Variants in HERPUD1 observed in about 807,000 individuals in gnomAD.
The protein encoded by HERPUD1 is homocysteine inducible ER protein with ubiquitin like domain 1.
A neutral mutation model predicts 45.0 loss-of-function variants in HERPUD1; 17 were observed. That is an observed-to-expected ratio of 0.38 (90% confidence interval 0.26 to 0.57). HERPUD1 has a LOEUF of 0.57. Among genes scored for constraint, HERPUD1 ranks in the 20% least tolerant of loss-of-function variants. HERPUD1 has a pLI of 0.72. For missense variants in HERPUD1, 420 were observed against 490.5 expected (o/e 0.86, Z 1.36); for synonymous variants, 164 against 177.5 (o/e 0.92, Z 0.61).
At chr16:56,939,805 C>T (rs2055894824) in intron 5 of HERPUD1, 90 bp from the exon 6 acceptor site, 18 of 979,830 alleles carry the variant, frequency 1.8e-5, no homozygotes, top group Non-Finnish European at 2.6e-5. Context: ...ACTTGAAATT[C>T]TTAACAGTAA....
At position 56,942,219 on chromosome 16, in the gene HERPUD1, C is replaced by T. The variant is rs1283556816; in HGVS notation, c.993C>T (p.Asp331=). The change falls in exon 7 of 8, where the codon GAC becomes GAT. Residue 331 remains aspartate, a synonymous_variant. Transcript: ENST00000439977. The part of the protein sequence containing the change: ...DGPPPDVVNQ[D]PNNNLQEGTD... ...CTCCTCCTGACGTTGTAAATCAGGA[C>T]CCCAACAATAACTTACAGGTATGGA... 1 of 1,613,222 alleles carries T rather than the reference C, an allele frequency of 6.2e-7. No individual in the cohort carries two copies. The highest frequency in any genetic ancestry group is 8.5e-7 in the Non-Finnish European group (1 of 1,179,180).
At chr16:56,934,987 C>T (rs548056316) in intron 1 of HERPUD1, 5 of 424,874 alleles carry the variant, frequency 1.2e-5, no homozygotes, top group African/African-American at 2.0e-5. Flanking sequence ...GCTTGGATTA[C>T]AGGCATGAGC....
chr16:56,937,098 C>T (rs145222015), intron 4 of HERPUD1: 10 of 209,232 alleles, frequency 4.8e-5, no homozygotes, highest in African/African-American at 2.1e-4. Context: ...GCTTGGTTGC[C>T]GTCATGATAG....
intron 6 of HERPUD1, chr16:56,941,613 G>T (rs2055910371): frequency 1.3e-5 from 2 of 152,122 alleles, no homozygotes; most frequent in Non-Finnish European, 2.9e-5. Context: ...AAATAAAAAA[G>T]GAATAATTAG....
In HERPUD1 at chr16:56,935,222, T is replaced by A. The variant is rs772119462; in HGVS notation, c.148-13T>A. On this transcript the variant is annotated splice_polypyrimidine_tract_variant and intron_variant, in intron 1 of 7. Transcript: ENST00000439977. Reference sequence around the variant, plus strand: ...AAATGCTGACCTGTGTTACTCTTTCTTTCCATGATCAGCGTCCAGAGGACC... The same window carrying A: ...AAATGCTGACCTGTGTTACTCTTTCATTCCATGATCAGCGTCCAGAGGACC... 6 of 1,605,332 alleles carry A rather than the reference T, an allele frequency of 3.7e-6. No individual in the cohort carries two copies. In the South Asian group the frequency reaches 6.6e-5, roughly 18 times the overall value.
chr16:56,935,970 T>C (rs1322932565), intron 3 of HERPUD1: 1 of 156,470 alleles, frequency 6.4e-6, no homozygotes, highest in Non-Finnish European at 1.4e-5. Flanking sequence ...CCCAGGCTTT[T>C]CTCAAACTCC....
Position 56,944,328 on chromosome 16 carries a change from T to A in HERPUD1, c.*1038T>A, listed in dbSNP as rs1279858362. 1.3e-5 allele frequency: 2 copies of A among 152,254 alleles called. No homozygotes were observed. Among genetic ancestry groups the A allele is most frequent in the Non-Finnish European group, 2.9e-5 (2 of 68,038 alleles). 9.4% of individuals were successfully genotyped at this position (152,254 alleles called of 1,614,324 possible). A position where few individuals can be genotyped will look rare whatever the true frequency, so the allele number is the denominator to read the frequency against. On this transcript the variant is annotated 3_prime_UTR_variant, in exon 8 of 8. Coordinates refer to ENST00000439977, the MANE Select transcript of HERPUD1 (RefSeq NM_014685.4). The stretch of plus-strand genomic sequence containing the variant: ...TCCCCAAATTTAAATTTAGTAAATT[T>A]AGTGGTTTCACCTTGGCAAATCTGC...
chr16:56,935,621 CTG>C (rs1429895588), intron 3 of HERPUD1, 146 bp downstream of exon 3: 3 of 681,410 alleles, frequency 4.4e-6, no homozygotes, highest in African/African-American at 3.6e-5. Flanking sequence ...GAATTAGAAA[CTG>C]TATTATCAAC....
intron 5 of HERPUD1, 84 bp from the exon 6 acceptor site, chr16:56,939,811 A>G: frequency 9.8e-7 from 1 of 1,024,150 alleles, no homozygotes; most frequent in Non-Finnish European, 1.5e-6. Flanking sequence ...AATTCTTAAC[A>G]GTAAAAGACT....
rs990272614 is a variant in HERPUD1 at position 56,937,740 on chromosome 16, C to G, written c.431+923C>G. Among the ~76,000 whole-genome samples the G allele has an allele frequency of 6.0e-5, 9 of 149,940 alleles. No individual in the cohort carries two copies. The Admixed American group carries it at 6.1e-4, about 10-fold the overall frequency. ...TCTTGTATATCTAGAATGCCATTAT[C>G]AGATCTAACAGAAATCTTAAAAGCA... is the stretch of plus-strand genomic sequence containing the variant. On this transcript the variant is annotated intron_variant, in intron 4 of 7. Coordinates refer to ENST00000439977, the MANE Select transcript of HERPUD1 (RefSeq NM_014685.4).
Position 56,939,317 on chromosome 16 carries a change from C to T in HERPUD1, c.512C>T (p.Ser171Phe), listed in dbSNP as rs1352948114. The change falls in exon 5 of 8, where the codon TCC becomes TTC. Residue 171 changes from serine to phenylalanine, a missense_variant. Coordinates refer to ENST00000439977, the MANE Select transcript of HERPUD1 (RefSeq NM_014685.4). ...ACACCCTATGGGTGGCTTCAGCTTT[C>T]CTGGTTCCAGCAGATATATGCACGA... is the stretch of plus-strand genomic sequence containing the variant. The part of the protein sequence containing the change: ...GYTPYGWLQL[S>F]WFQQIYARQY... 1 of 1,614,248 alleles carries T rather than the reference C, an allele frequency of 6.2e-7. No homozygotes were observed. Among genetic ancestry groups the T allele is most frequent in the Non-Finnish European group, 8.5e-7 (1 of 1,180,050 alleles).
chr16:56,934,232 A>G (rs2055847738), intron 1 of HERPUD1, among the ~76,000 whole-genome samples: 1 of 152,214 alleles, frequency 6.6e-6, no homozygotes, highest in Admixed American at 6.5e-5. Flanking sequence ...TTTAAGTACA[A>G]TTTAGACGGA....
chr16:56,936,708 C>A lies in HERPUD1; in HGVS notation c.322C>A (p.Pro108Thr), dbSNP rs781465309. 4.3e-6 allele frequency: 7 copies of A among 1,613,066 alleles called. No individual in the cohort carries two copies. Among genetic ancestry groups the A allele is most frequent in the Non-Finnish European group, 5.9e-6 (7 of 1,179,494 alleles). ...NAKVAESTEE[P>T]AGSNRGQYPE... Reference sequence around the variant, plus strand: ...TTAGGTGGCTGAATCCACAGAGGAGCCTGCTGGTTCTAATCGGGGACAGTA... The same window carrying A: ...TTAGGTGGCTGAATCCACAGAGGAGACTGCTGGTTCTAATCGGGGACAGTA... The change falls in exon 4 of 8, where the codon CCT becomes ACT. Residue 108 changes from proline to threonine, a missense_variant. Pro to Thr is a conservative substitution (Grantham distance 38). Transcript: ENST00000439977.
At chr16:56,941,338 C>T (rs1255421500) in intron 6 of HERPUD1, 4 of 152,212 alleles carry the variant, frequency 2.6e-5, no homozygotes, top group African/African-American at 9.7e-5. Flanking sequence ...TACCCTCTCT[C>T]CCCAGGGGAC....
intron 1 of HERPUD1, 102 bp downstream of exon 1, chr16:56,932,493 G>A: frequency 1.8e-6 from 2 of 1,115,430 alleles, no homozygotes; most frequent in African/African-American, 1.6e-5. Context: ...TCCCGCTGAC[G>A]GCTGCGATCG....
At chr16:56,938,504 A>G (rs1414384901) in intron 4 of HERPUD1, among the ~76,000 whole-genome samples, 1 of 151,094 alleles carries the variant, frequency 6.6e-6, no homozygotes, top group African/African-American at 2.4e-5. Flanking sequence ...TGGAGCTTGC[A>G]GTGAGCCGAG....
Position 56,935,246 on chromosome 16 carries a change from C to G in HERPUD1, c.159C>G (p.Asp53Glu), listed in dbSNP as rs2144816935. 1 of 1,613,220 alleles carries G rather than the reference C, an allele frequency of 6.2e-7. No homozygotes were observed. Among genetic ancestry groups the G allele is most frequent in the East Asian group, 2.2e-5 (1 of 44,880 alleles). Residue 53 changes from aspartate (D) to glutamate (E), a missense_variant, in exon 2 of 8, where the codon GAC becomes GAG. By Grantham distance (45) the Asp-to-Glu change is conservative. Transcript: ENST00000439977. ...CTTTCCATGATCAGCGTCCAGAGGA[C>G]CAGAGGTTAATTTATTCTGGGAAGC... ...RVYPERPRPE[D>E]QRLIYSGKLL...
At position 56,932,222 on chromosome 16, in the gene HERPUD1, G is replaced by A. The variant is rs752026589; in HGVS notation, c.-23G>A. 3 of 1,602,186 alleles carry A rather than the reference G, an allele frequency of 1.9e-6. No individual in the cohort carries two copies. Among genetic ancestry groups the A allele is most frequent in the Non-Finnish European group, 2.5e-6 (3 of 1,178,252 alleles). The stretch of plus-strand genomic sequence containing the variant: ...GCCTGGCACCTAGGAGCGCAGCGGA[G>A]CCCCGACACCGCCGCCGCCGCCATG... On this transcript the variant is annotated 5_prime_UTR_variant, in exon 1 of 8. Coordinates refer to ENST00000439977, the MANE Select transcript of HERPUD1 (RefSeq NM_014685.4).
At chr16:56,938,421 G>C (rs554105054) in intron 4 of HERPUD1, among the ~76,000 whole-genome samples, 1 of 152,326 alleles carries the variant, frequency 6.6e-6, no homozygotes, top group Admixed American at 6.5e-5. Flanking sequence ...AAATTAGCCA[G>C]GTGTGGTGGC....
Sources: gnomAD v4.1 joint callset for allele counts (sites outside exome capture counted in the v4.1 genomes callset) on GRCh38, gnomAD v4.1.1 for gene constraint, MANE v1.5 for transcripts, NCBI Gene and HGNC (gene_info 2026-07-23, HGNC 2026-07-21) for gene names.